The following MARCHF5 variants were observed in gnomAD, a reference collection of about 807,000 sequenced individuals.
MARCHF5 encodes the protein membrane associated ring-CH-type finger 5, also known as E3 ubiquitin-protein ligase MARCHF5.
In MARCHF5, 5 loss-of-function variants were observed where a neutral mutation model predicts 36.5. The ratio of observed to expected loss-of-function variants is 0.14; its 90% confidence interval spans 0.07 to 0.29. The LOEUF (loss-of-function observed/expected upper bound fraction) is 0.29, where lower values mean the gene tolerates loss of function less well. Ranked by LOEUF, MARCHF5 falls within the 10% of genes least tolerant of loss-of-function variation. The pLI is 1.00. For missense variants in MARCHF5, 179 were observed against 336.3 expected (o/e 0.53, Z 3.66); for synonymous variants, 103 against 109.9 (o/e 0.94, Z 0.39).
At chr10:92,309,336 C>T (rs1183841297) in intron 1 of MARCHF5, among the ~76,000 whole-genome samples, 3 of 152,116 alleles carry the variant, frequency 2.0e-5, no homozygotes, top group African/African-American at 7.2e-5. Flanking sequence ...CCTATCTTTT[C>T]TGTAAGTCAG....
At chr10:92,314,392 C>G (rs1447436806) in intron 2 of MARCHF5, among the ~76,000 whole-genome samples, 2 of 152,202 alleles carry the variant, frequency 1.3e-5, no homozygotes, top group Non-Finnish European at 2.9e-5. Context: ...GCCTGTAATC[C>G]CAACACTGGG....
chr10:92,298,180 A>G (rs189274712), intron 1 of MARCHF5, among the ~76,000 whole-genome samples: 8 of 137,682 alleles, frequency 5.8e-5, no homozygotes, highest in Non-Finnish European at 1.2e-4. Context: ...CTCTCTCTAT[A>G]TATGTATATG....
intron 1 of MARCHF5, among the ~76,000 whole-genome samples, chr10:92,292,345 C>T (rs751771321): frequency 6.6e-6 from 1 of 152,108 alleles, no homozygotes; most frequent in African/African-American, 2.4e-5. Flanking sequence ...CGAGCCAAGT[C>T]TTACTTCCTG....
intron 1 of MARCHF5, among the ~76,000 whole-genome samples, chr10:92,309,823 C>T (rs975663133): frequency 2.6e-5 from 4 of 151,616 alleles, no homozygotes; most frequent in Non-Finnish European, 4.4e-5. Context: ...GTCTATTTGA[C>T]GATAAAATTT....
chr10:92,299,173 C>T (rs553452194), intron 1 of MARCHF5, among the ~76,000 whole-genome samples: 1 of 152,250 alleles, frequency 6.6e-6, no homozygotes, highest in Non-Finnish European at 1.5e-5. Context: ...TTGTTCATCA[C>T]ATATTGTTGA....
intron 2 of MARCHF5, among the ~76,000 whole-genome samples, chr10:92,327,118 A>AGCAAGCTACTT (rs1003449720): frequency 2.0e-5 from 3 of 152,320 alleles, no homozygotes; most frequent in Non-Finnish European, 4.4e-5. Flanking sequence ...CCCAGGGTTT[A>AGCAAGCTACTT]GCAAGCTACT....
chr10:92,313,592 G>T (rs879714795), intron 2 of MARCHF5, among the ~76,000 whole-genome samples: 1 of 151,194 alleles, frequency 6.6e-6, no homozygotes, highest in Admixed American at 6.6e-5. Flanking sequence ...GAGATAGAGC[G>T]AGACGCCGTG....
chr10:92,296,889 A>G (rs943844876), intron 1 of MARCHF5, among the ~76,000 whole-genome samples: 1 of 152,154 alleles, frequency 6.6e-6, no homozygotes, highest in African/African-American at 2.4e-5. Context: ...TGTATAAACA[A>G]TTTCACATTT....
chr10:92,316,816 T>A (rs563360597), intron 2 of MARCHF5, among the ~76,000 whole-genome samples: 1 of 152,078 alleles, frequency 6.6e-6, no homozygotes, highest in African/African-American at 2.4e-5. Flanking sequence ...CCAAACCCCG[T>A]TGGCCTTCCA....
rs150291801 is a variant in MARCHF5, at chr10:92,347,603, CA to C, written c.370-1745del. Among the ~76,000 whole-genome samples, 34 of 151,982 alleles carry C rather than the reference CA, an allele frequency of 2.2e-4. No homozygotes were observed. The East Asian group carries it at 5.2e-3, about 23-fold the overall frequency. ...TCATTATAGGTAAAACAGTCATGGC[CA>C]GCTAACTTTTGCTACCATTATGGAA... is the stretch of plus-strand genomic sequence containing the variant. On this transcript the variant is annotated intron_variant, in intron 3 of 5. Transcript: ENST00000358935.
At chr10:92,298,499 T>TC (rs1842974136) in intron 1 of MARCHF5, among the ~76,000 whole-genome samples, 1 of 152,246 alleles carries the variant, frequency 6.6e-6, no homozygotes, top group South Asian at 2.1e-4. Flanking sequence ...CTAAGCTACT[T>TC]ATCTTGACTT....
chr10:92,346,419 G>T (rs1459669732), intron 3 of MARCHF5, among the ~76,000 whole-genome samples: 1 of 151,946 alleles, frequency 6.6e-6, no homozygotes, highest in Non-Finnish European at 1.5e-5. Flanking sequence ...GCTTGAGCAT[G>T]GGGCATCTCT....
At chr10:92,319,297 CTTT>C (rs35540447) in intron 2 of MARCHF5, among the ~76,000 whole-genome samples, 4 of 142,370 alleles carry the variant, frequency 2.8e-5, no homozygotes, top group Non-Finnish European at 1.5e-5. Context: ...ATCTACTTTA[CTTT>C]TTTTTTTTTT....
At chr10:92,299,343 G>GT (rs35936362) in intron 1 of MARCHF5, among the ~76,000 whole-genome samples, 49,235 of 151,976 alleles carry the variant, frequency 0.32, 9,763 homozygotes, top group South Asian at 0.56. Context: ...TTTCAACGGG[G>GT]TAACGTGCTT....
rs1324387258 is a variant in MARCHF5, at chr10:92,339,451, C to A, written c.239-1222C>A. Among the ~76,000 whole-genome samples the A allele has an allele frequency of 2.0e-5, 3 of 151,752 alleles. No individual in the cohort carries two copies. In the South Asian group the frequency reaches 6.2e-4, roughly 31 times the overall value. On this transcript the variant is annotated intron_variant, in intron 2 of 5. Transcript: ENST00000358935. ...TTGGGAGGCTGAGGCGGGTGGATCA[C>A]CTGAGGTCAAGAGTTCGAGACCAAC... is the stretch of plus-strand genomic sequence containing the variant.
chr10:92,334,203 C>T (rs1843475260), intron 2 of MARCHF5, among the ~76,000 whole-genome samples: 1 of 152,142 alleles, frequency 6.6e-6, no homozygotes, highest in Non-Finnish European at 1.5e-5. Flanking sequence ...AGAAAGTTGG[C>T]ATTTGAGTTT....
chr10:92,293,623 A>T (rs1419921533), intron 1 of MARCHF5, among the ~76,000 whole-genome samples: 1 of 151,822 alleles, frequency 6.6e-6, no homozygotes, highest in Non-Finnish European at 1.5e-5. Context: ...AAAAAAAAAA[A>T]AATACAAAAA....
At chr10:92,295,408 T>A (rs1358528707) in intron 1 of MARCHF5, among the ~76,000 whole-genome samples, 1 of 124,794 alleles carries the variant, frequency 8.0e-6, no homozygotes, top group Non-Finnish European at 1.9e-5. Flanking sequence ...TATTTATTTA[T>A]TTTTTATTTT....
At chr10:92,302,073 C>G (rs907129576) in intron 1 of MARCHF5, among the ~76,000 whole-genome samples, 1 of 151,986 alleles carries the variant, frequency 6.6e-6, no homozygotes, top group Non-Finnish European at 1.5e-5. Flanking sequence ...AAAAAAATAC[C>G]TAATGCAGTG....
Sources: allele counts gnomAD v4.1 joint callset (sites outside exome capture counted in the v4.1 genomes callset), GRCh38; gene constraint gnomAD v4.1.1; transcripts MANE v1.5; gene names NCBI Gene and HGNC (gene_info 2026-07-23, HGNC 2026-07-21).